The following CDIN1 variants were observed in gnomAD, a reference collection of about 807,000 sequenced individuals.
CDIN1 encodes the protein CDAN1-interacting nuclease 1.
In CDIN1, 33 loss-of-function variants were observed where a neutral mutation model predicts 45.3. That is an observed-to-expected ratio of 0.73 (90% CI 0.55 to 0.97). The LOEUF (loss-of-function observed/expected upper bound fraction) is 0.97, where lower values mean the gene tolerates loss of function less well. Among genes scored for constraint, CDIN1 ranks in the 50% least tolerant of loss-of-function variants. The pLI is 0.00. For synonymous variants in CDIN1, 118 were observed against 124.4 expected, an observed-to-expected ratio of 0.95 and a Z score of 0.34; for missense variants, 303 against 339.4, an observed-to-expected ratio of 0.89 and a Z score of 0.84.
At chr15:36,748,210 A>T (rs953551665) in intron 10 of CDIN1, among the ~76,000 whole-genome samples, 14 of 152,260 alleles carry the variant, frequency 9.2e-5, no homozygotes, top group Admixed American at 8.5e-4. Flanking sequence ...TGCCTGCCAC[A>T]TAATACACAT....
chr15:36,783,337 G>C lies in CDIN1; in HGVS notation c.717-24987G>C, dbSNP rs143682597. Among the ~76,000 whole-genome samples, 562 of 127,032 alleles carry C rather than the reference G, an allele frequency of 4.4e-3. 3 individuals are homozygous for C. Among genetic ancestry groups the C allele is most frequent in the African/African-American group, 0.014 (531 of 39,240 alleles). 83.3% of individuals were successfully genotyped at this position (127,032 alleles called of 152,430 possible). On this transcript the variant is annotated intron_variant, in intron 10 of 10. Transcript: ENST00000566621. The stretch of plus-strand genomic sequence containing the variant: ...AGATTTGTGTAAAAACATATGTTGG[G>C]ATTGGAGTAGCTTTTTTTTTTTTAA...
intron 8 of CDIN1, among the ~76,000 whole-genome samples, chr15:36,701,142 A>G (rs4591088): frequency 1.6e-4 from 25 of 151,634 alleles, no homozygotes; most frequent in African/African-American, 5.3e-4. Context: ...AGATAGATAG[A>G]TAGATAGATA....
chr15:36,668,894 G>T (rs1659522313), intron 5 of CDIN1: 1 of 152,014 alleles, frequency 6.6e-6, no homozygotes, highest in South Asian at 2.1e-4. Flanking sequence ...TAAATTGCCT[G>T]GCATGTTACT....
chr15:36,606,124 A>G (rs1301701838), intron 1 of CDIN1, among the ~76,000 whole-genome samples: 5 of 152,080 alleles, frequency 3.3e-5, no homozygotes, highest in Non-Finnish European at 7.4e-5. Context: ...CACAGTAGAT[A>G]ACCTTGATGC....
At chr15:36,765,940 T>C (rs1409557472) in intron 10 of CDIN1, among the ~76,000 whole-genome samples, 1 of 152,198 alleles carries the variant, frequency 6.6e-6, no homozygotes, top group Non-Finnish European at 1.5e-5. Flanking sequence ...CTGTTAAAAT[T>C]TGTTAAAATT....
chr15:36,702,161 TA>T, intron 8 of CDIN1: 1 of 701,524 alleles, frequency 1.4e-6, no homozygotes, highest in Middle Eastern at 2.3e-4. Flanking sequence ...GGGTATTTCA[TA>T]AGGAATCCAC....
At chr15:36,763,617 T>C (rs2053836248) in intron 10 of CDIN1, among the ~76,000 whole-genome samples, 2 of 152,170 alleles carry the variant, frequency 1.3e-5, no homozygotes, top group Non-Finnish European at 2.9e-5. Flanking sequence ...CGCCATGTTG[T>C]GGTGAGAAAC....
intron 5 of CDIN1, among the ~76,000 whole-genome samples, chr15:36,685,774 G>T (rs1188425501): frequency 6.6e-6 from 1 of 152,128 alleles, no homozygotes; most frequent in Non-Finnish European, 1.5e-5. Context: ...CTTCTCAAAA[G>T]AAGACATCTA....
intron 10 of CDIN1, among the ~76,000 whole-genome samples, chr15:36,742,307 C>T (rs770207752): frequency 2.0e-5 from 3 of 152,088 alleles, no homozygotes; most frequent in Non-Finnish European, 2.9e-5. Flanking sequence ...AAATGAGATA[C>T]GAACCCTTAC....
At chr15:36,614,709 G>T (rs1384033864) in intron 1 of CDIN1, among the ~76,000 whole-genome samples, 2 of 152,190 alleles carry the variant, frequency 1.3e-5, no homozygotes, top group African/African-American at 4.8e-5. Context: ...CCTCATTGCT[G>T]TCTACAAAGT....
At chr15:36,583,781 C>G (rs2037159687) in intron 1 of CDIN1, among the ~76,000 whole-genome samples, 1 of 152,172 alleles carries the variant, frequency 6.6e-6, no homozygotes. Context: ...CTTTGGGAGG[C>G]TGAGGCGGGC....
chr15:36,768,677 T>C (rs2053989249), intron 10 of CDIN1, among the ~76,000 whole-genome samples: 1 of 152,298 alleles, frequency 6.6e-6, no homozygotes, highest in South Asian at 2.1e-4. Flanking sequence ...TGGCCTCAAC[T>C]GGTGGTCAGA....
intron 10 of CDIN1, among the ~76,000 whole-genome samples, chr15:36,784,967 C>T (rs1242092313): frequency 6.6e-6 from 1 of 152,080 alleles, no homozygotes; most frequent in African/African-American, 2.4e-5. Context: ...ATACTGTTAA[C>T]TTAAGTGGAC....
At chr15:36,714,317 A>G (rs1035761244) in intron 10 of CDIN1, among the ~76,000 whole-genome samples, 3 of 152,166 alleles carry the variant, frequency 2.0e-5, no homozygotes, top group Admixed American at 1.3e-4. Context: ...AATATGTATA[A>G]TCTTATGTTG....
intron 10 of CDIN1, among the ~76,000 whole-genome samples, chr15:36,740,933 T>G (rs2044214534): frequency 6.6e-6 from 1 of 152,142 alleles, no homozygotes; most frequent in African/African-American, 2.4e-5. Flanking sequence ...ATTTCAATTT[T>G]TTTTTTATTT....
At chr15:36,702,857 G>A (rs73381768) in intron 8 of CDIN1, among the ~76,000 whole-genome samples, 5,052 of 151,974 alleles carry the variant, frequency 0.033, 297 homozygotes, top group African/African-American at 0.12. Flanking sequence ...TTAATCCTTA[G>A]AGTTTATAAT....
intron 3 of CDIN1, among the ~76,000 whole-genome samples, chr15:36,645,776 A>G (rs1385612205): frequency 6.6e-6 from 1 of 152,202 alleles, no homozygotes; most frequent in Non-Finnish European, 1.5e-5. Flanking sequence ...ATGAAAAAAG[A>G]TGTATCAAGT....
chr15:36,773,885 C>T (rs1012515144), intron 10 of CDIN1, among the ~76,000 whole-genome samples: 1 of 152,200 alleles, frequency 6.6e-6, no homozygotes, highest in Non-Finnish European at 1.5e-5. Context: ...AGAACTCTGA[C>T]AAGGAGTTAT....
chr15:36,686,284 A>G (rs9796564), intron 5 of CDIN1, among the ~76,000 whole-genome samples: 69,713 of 150,290 alleles, frequency 0.46, 16,607 homozygotes, highest in Admixed American at 0.57. Context: ...ATTGGAAATC[A>G]TCATTCTCAG....
Sources: gnomAD v4.1 joint callset for allele counts (sites outside exome capture counted in the v4.1 genomes callset) on GRCh38, gnomAD v4.1.1 for gene constraint, MANE v1.5 for transcripts, NCBI Gene and HGNC (gene_info 2026-07-23, HGNC 2026-07-21) for gene names.